The following EFCAB6 variants were observed in gnomAD, a reference collection of about 807,000 sequenced individuals.
EFCAB6 encodes EF-hand calcium binding domain 6.
Under a neutral mutation model 169.8 loss-of-function variants are expected in EFCAB6, and 156 were observed. The observed-to-expected ratio is 0.92, with a 90% CI of 0.81 to 1.05. EFCAB6 has a LOEUF of 1.05. Ranked by LOEUF, EFCAB6 falls within the 50% of genes least tolerant of loss-of-function variation. EFCAB6 has a pLI of 0.00. For synonymous variants in EFCAB6, 698 were observed against 676.4 expected (o/e 1.03, Z -0.50); for missense variants, 1,800 against 1,829.1 (o/e 0.98, Z 0.29).
In EFCAB6 at chr22:43,549,873, T is replaced by C. The variant is rs563549513; in HGVS notation, c.3648+4996A>G. Among the ~76,000 whole-genome samples, 4 of 152,340 alleles carry C rather than the reference T, an allele frequency of 2.6e-5. No homozygotes were observed. In the East Asian group the frequency reaches 7.7e-4, roughly 29 times the overall value. Reference sequence around the variant, plus strand: ...AGTTTAACATCAGAAAGTCCGTTAATGTAATCCGCTATATTGAGAAATTGA... The same window carrying C: ...AGTTTAACATCAGAAAGTCCGTTAACGTAATCCGCTATATTGAGAAATTGA... On this transcript the variant is annotated intron_variant, in intron 27 of 31. Coordinates refer to ENST00000262726, the MANE Select transcript of EFCAB6 (RefSeq NM_022785.4).
At chr22:43,731,565 T>C (rs1417661157) in intron 8 of EFCAB6, 134 bp downstream of exon 8, 2 of 525,216 alleles carry the variant, frequency 3.8e-6, no homozygotes, top group Non-Finnish European at 6.3e-6. Flanking sequence ...TTATAAATAA[T>C]GATACCATGG....
intron 12 of EFCAB6, among the ~76,000 whole-genome samples, chr22:43,682,175 C>T (rs900628005): frequency 6.6e-6 from 1 of 152,126 alleles, no homozygotes; most frequent in Non-Finnish European, 1.5e-5. Context: ...GGGAATCTCA[C>T]TCTGAAACCA....
chr22:43,549,694 G>C (rs975558297), intron 27 of EFCAB6, among the ~76,000 whole-genome samples: 3 of 152,182 alleles, frequency 2.0e-5, no homozygotes, highest in African/African-American at 7.2e-5. Context: ...CAAAGCTAGT[G>C]TAATATTGAT....
At chr22:43,723,470 A>C (rs1395091785) in intron 8 of EFCAB6, among the ~76,000 whole-genome samples, 1 of 152,198 alleles carries the variant, frequency 6.6e-6, no homozygotes, top group East Asian at 1.9e-4. Flanking sequence ...TCAGATGAAA[A>C]CCTAAATAGT....
chr22:43,768,836 A>G (rs1025996693), intron 4 of EFCAB6, among the ~76,000 whole-genome samples: 9 of 152,250 alleles, frequency 5.9e-5, no homozygotes, highest in African/African-American at 2.2e-4. Context: ...GATCATGACT[A>G]TAAGGACACA....
At chr22:43,657,724 TAGA>T (rs2056816578) in intron 17 of EFCAB6, among the ~76,000 whole-genome samples, 1 of 151,988 alleles carries the variant, frequency 6.6e-6, no homozygotes, top group African/African-American at 2.4e-5. Context: ...TCAAATTAAG[TAGA>T]AGGAAGAAAA....
At chr22:43,530,008 G>A (rs1457210106) in intron 31 of EFCAB6, among the ~76,000 whole-genome samples, 4 of 152,238 alleles carry the variant, frequency 2.6e-5, no homozygotes, top group African/African-American at 9.6e-5. Flanking sequence ...GTCCTATGGG[G>A]CTGAGGTCAG....
In EFCAB6 at chr22:43,528,884, T is replaced by G; in HGVS notation, c.4475A>C (p.Tyr1492Ser). The change falls in exon 32 of 32, where the codon TAC (tyrosine) becomes TCC (serine). Residue 1492 changes from tyrosine to serine, a missense_variant. Tyr to Ser is a moderately radical substitution (Grantham distance 144). Transcript: ENST00000262726. Reference protein sequence around the residue: ...YDKTLSSKISYNDFLRAFLQ With the variant: ...YDKTLSSKISSNDFLRAFLQ The stretch of plus-strand genomic sequence containing the variant: ...GAGGAATGCCCGGAGGAAGTCGTTG[T>G]AGGAGATTTTTGAAGACAGCGTCTT... The G allele has an allele frequency of 5.0e-6, 8 of 1,611,792 alleles. No individual in the cohort carries two copies. The highest frequency in any genetic ancestry group is 6.8e-6 in the Non-Finnish European group (8 of 1,178,174).
intron 9 of EFCAB6, among the ~76,000 whole-genome samples, chr22:43,714,366 A>T (rs2059259095): frequency 6.6e-6 from 1 of 152,064 alleles, no homozygotes; most frequent in South Asian, 2.1e-4. Context: ...GAGAGAGGAG[A>T]TGATTTTAGT....
At chr22:43,695,093 T>A (rs562946821) in intron 10 of EFCAB6, among the ~76,000 whole-genome samples, 1 of 152,026 alleles carries the variant, frequency 6.6e-6, no homozygotes, top group Non-Finnish European at 1.5e-5. Flanking sequence ...GTGACATGAC[T>A]GTACTTACAA....
At chr22:43,562,038 TTCTGGTGAC>T (rs2049074644) in intron 26 of EFCAB6, among the ~76,000 whole-genome samples, 3 of 152,282 alleles carry the variant, frequency 2.0e-5, no homozygotes, top group Admixed American at 2.0e-4. Context: ...TCCTGGCTGC[TTCTGGTGAC>T]TTTTAAAGTT....
At chr22:43,583,616 A>C (rs1297188953) in intron 24 of EFCAB6, among the ~76,000 whole-genome samples, 1 of 150,474 alleles carries the variant, frequency 6.6e-6, no homozygotes, top group Non-Finnish European at 1.5e-5. Context: ...TTTAGCAGCG[A>C]GGCCTTTGGG....
At chr22:43,710,421 GA>G (rs1426803644) in intron 10 of EFCAB6, among the ~76,000 whole-genome samples, 1 of 152,178 alleles carries the variant, frequency 6.6e-6, no homozygotes, top group Non-Finnish European at 1.5e-5. Context: ...TTAAAGTAAT[GA>G]GTTCTTAATC....
intron 5 of EFCAB6, among the ~76,000 whole-genome samples, chr22:43,763,240 C>T (rs2018892): frequency 0.12 from 17,812 of 151,986 alleles, 1,133 homozygotes; most frequent in South Asian, 0.18. Flanking sequence ...GGTTTTGCTA[C>T]GTTGGCTATG....
chr22:43,776,084 C>T (rs1270665869), intron 3 of EFCAB6, among the ~76,000 whole-genome samples: 2 of 152,186 alleles, frequency 1.3e-5, no homozygotes, highest in Non-Finnish European at 2.9e-5. Flanking sequence ...GAGGAAAAGG[C>T]TTATGGAAAG....
chr22:43,586,340 A>ATTTTTTTTTTTTTTTTTTTTTTTTTTT (rs36058832), intron 24 of EFCAB6, among the ~76,000 whole-genome samples: 7 of 72,922 alleles, frequency 9.6e-5, no homozygotes, highest in Admixed American at 1.9e-4. Context: ...GCAACAACTG[A>ATTTTTTTTTTTTTTTTTTTTTTTTTTT]TTTTTTTTTT....
chr22:43,724,380 T>TC (rs1193162955), intron 8 of EFCAB6, among the ~76,000 whole-genome samples: 36 of 150,070 alleles, frequency 2.4e-4, no homozygotes, highest in Non-Finnish European at 4.9e-4. Flanking sequence ...TTTTTTTTTT[T>TC]TTTTTGAGAA....
chr22:43,592,391 C>T (rs927312218), intron 23 of EFCAB6, among the ~76,000 whole-genome samples: 3 of 152,150 alleles, frequency 2.0e-5, no homozygotes, highest in African/African-American at 7.2e-5. Flanking sequence ...TACTCGTCAT[C>T]ACAACTATTA....
chr22:43,808,216 T>A (rs1183145480), intron 2 of EFCAB6, among the ~76,000 whole-genome samples: 2 of 152,216 alleles, frequency 1.3e-5, no homozygotes, highest in Admixed American at 1.3e-4. Flanking sequence ...AATCTAGAGA[T>A]AATTTAAAGC....
Sources: gnomAD v4.1 joint callset for allele counts (sites outside exome capture counted in the v4.1 genomes callset) on GRCh38, gnomAD v4.1.1 for gene constraint, MANE v1.5 for transcripts, NCBI Gene and HGNC (gene_info 2026-07-23, HGNC 2026-07-21) for gene names.